Variants in WDR91 observed in about 807,000 individuals in gnomAD.
The protein encoded by WDR91 is WD repeat domain 91.
A neutral mutation model predicts 88.4 loss-of-function variants in WDR91; 52 were observed. That is an observed-to-expected ratio of 0.59 (90% confidence interval 0.47 to 0.74). WDR91 has a LOEUF of 0.74. Among genes scored for constraint, WDR91 ranks in the 30% least tolerant of loss-of-function variants. The probability of loss-of-function intolerance (pLI) is 0.00; values close to 1 mark genes in which losing one functional copy is unlikely to be tolerated. For missense variants in WDR91, 824 were observed against 954.5 expected, an observed-to-expected ratio of 0.86 and a Z score of 1.80; for synonymous variants, 362 against 389.5, an observed-to-expected ratio of 0.93 and a Z score of 0.83.
chr7:135,198,616 G>A (rs1831462243), intron 6 of WDR91: 1 of 153,640 alleles, frequency 6.5e-6, no homozygotes, highest in South Asian at 2.1e-4. Context: ...TCTTGTTTTG[G>A]GCCAAGTGTG....
At position 135,211,522 on chromosome 7, in the gene WDR91, G is replaced by C. The variant is rs574700005; in HGVS notation, c.-20C>G. ...CGCCATCGCAGCGCTAGCGTCTTTA[G>C]GGGTGGTGCGGTGAGGGACGGAGGG... is the stretch of plus-strand genomic sequence containing the variant. On this transcript the variant is annotated 5_prime_UTR_variant, in exon 1 of 15. Coordinates refer to ENST00000354475, the MANE Select transcript of WDR91 (RefSeq NM_014149.4). The C allele has an allele frequency of 6.2e-7, 1 of 1,609,150 alleles. No homozygotes were observed. The highest frequency in any genetic ancestry group is 1.1e-5 in the South Asian group (1 of 90,644).
chr7:135,186,333 AGAG>A lies in WDR91; in HGVS notation c.2080-21_2080-19del, dbSNP rs773826961. On this transcript the variant is annotated intron_variant, in intron 14 of 14. Coordinates refer to ENST00000354475, the MANE Select transcript of WDR91 (RefSeq NM_014149.4). ...CCACCCAGCTGCAAGAGGACAGGAAAGAGGAGGAGGTGTCAGCAAACACCAGTT... is the reference window on the plus strand; with the variant it reads ...CCACCCAGCTGCAAGAGGACAGGAAAGAGGAGGTGTCAGCAAACACCAGTT... The A allele has an allele frequency of 1.8e-5, 29 of 1,608,484 alleles. No individual in the cohort carries two copies. The highest frequency in any genetic ancestry group is 1.7e-4 in the Middle Eastern group (1 of 6,056).
In WDR91 at chr7:135,186,188, T is replaced by C. The variant is rs181109242; in HGVS notation, c.2207A>G (p.Lys736Arg). 34 of 1,607,510 alleles carry C rather than the reference T, an allele frequency of 2.1e-5. No individual in the cohort carries two copies. In the African/African-American group the frequency reaches 4.2e-4, roughly 20 times the overall value. Reference protein sequence around the residue: ...GTCLTASMDGKIKLTTLLAHK... With the variant: ...GTCLTASMDGRIKLTTLLAHK... ...GGCCAGGAGGGTGGTCAGCTTGATC[T>C]TGCCATCCATGGAGGCGGTGAGGCA... Residue 736 changes from lysine (K) to arginine (R), a missense_variant, in exon 15 of 15, where the codon AAG becomes AGG. By Grantham distance (26) the Lys-to-Arg change is conservative. Coordinates refer to ENST00000354475, the MANE Select transcript of WDR91 (RefSeq NM_014149.4).
intron 1 of WDR91, chr7:135,209,965 G>A (rs1277648073): frequency 7.3e-6 from 3 of 412,694 alleles, no homozygotes; most frequent in South Asian, 4.8e-5. Context: ...TAGCAAGCAC[G>A]GAAATTTCAG....
chr7:135,196,400 C>G lies in WDR91; in HGVS notation c.1051-63G>C, dbSNP rs571607471. 7.0e-7 allele frequency: 1 copy of G among 1,421,660 alleles called. No individual in the cohort carries two copies. Among genetic ancestry groups the G allele is most frequent in the Non-Finnish European group, 9.3e-7 (1 of 1,076,488 alleles). The allele number at this position is 1,421,660 out of a possible 1,614,324, so 88.1% of individuals were successfully genotyped here. On this transcript the variant is annotated intron_variant, in intron 7 of 14. Transcript: ENST00000354475. This position sits in a 1 kb window ranked among gnomAD's most constrained non-coding sequence, Gnocchi z 4.2. ...GGGTCCCCCACACCAGGGTGTACACCGCAGGGGGTCTAGGCCTAGGCTGCA... is the reference window on the plus strand; with the variant it reads ...GGGTCCCCCACACCAGGGTGTACACGGCAGGGGGTCTAGGCCTAGGCTGCA...
Position 135,198,485 on chromosome 7 carries a change from C to A in WDR91, c.892-334G>T, listed in dbSNP as rs543504297. The A allele has an allele frequency of 1.2e-3, 301 of 255,130 alleles. 4 individuals are homozygous for A. Among genetic ancestry groups the A allele is most frequent in the Middle Eastern group, 1.2e-3 (1 of 842 alleles). The allele number at this position is 255,130 out of a possible 1,614,324, so 15.8% of individuals were successfully genotyped here. A position where few individuals can be genotyped will look rare whatever the true frequency, so the allele number is the denominator to read the frequency against. On this transcript the variant is annotated intron_variant, in intron 6 of 14. Coordinates refer to ENST00000354475, the MANE Select transcript of WDR91 (RefSeq NM_014149.4). ...TTACTAAGTGATGACTAAGGCAGGC[C>A]GGGGCCTACGCTTGGTGTTATACAC...
chr7:135,193,226 C>T lies in WDR91; in HGVS notation c.1659+5G>A, dbSNP rs751684312. ...CCCAGAGAGAGCCACAGGGCAGGCC[C>T]GTACCTGCTGCTTCATGGTTTTCGT... is the stretch of plus-strand genomic sequence containing the variant. On this transcript the variant is annotated splice_donor_5th_base_variant and intron_variant, in intron 11 of 14. Coordinates refer to ENST00000354475, the MANE Select transcript of WDR91 (RefSeq NM_014149.4). The T allele has an allele frequency of 1.6e-5, 26 of 1,613,198 alleles. No individual in the cohort carries two copies. Among genetic ancestry groups the T allele is most frequent in the South Asian group, 3.3e-5 (3 of 91,044 alleles).
chr7:135,203,105 C>A (rs142510), intron 6 of WDR91, among the ~76,000 whole-genome samples: 11 of 152,012 alleles, frequency 7.2e-5, no homozygotes, highest in Admixed American at 3.3e-4. Context: ...GTGGGTTTAC[C>A]CAACCTGAGC....
chr7:135,193,722 G>A (rs1468964617), intron 9 of WDR91, 50 bp from the exon 10 acceptor site: 2 of 1,533,920 alleles, frequency 1.3e-6, no homozygotes, highest in East Asian at 4.6e-5. Context: ...GAGTGAGGCT[G>A]AGTCAGGGAG....
rs1562958120 is a variant in WDR91 at position 135,207,281 on chromosome 7, C to T, written c.512-79G>A. ...AAACCCTTGACACACCAGTAAAACA[C>T]ATGAGACACAGGGACACAGAGAACA... On this transcript the variant is annotated intron_variant, in intron 3 of 14. Transcript: ENST00000354475. 4.1e-6 allele frequency: 5 copies of T among 1,208,876 alleles called. No homozygotes were observed. In the Admixed American group the frequency reaches 5.3e-5, roughly 13 times the overall value. The allele number at this position is 1,208,876 out of a possible 1,614,324, so 74.9% of individuals were successfully genotyped here.
chr7:135,201,255 C>T (rs1466342241), intron 6 of WDR91, among the ~76,000 whole-genome samples: 1 of 151,474 alleles, frequency 6.6e-6, no homozygotes, highest in African/African-American at 2.4e-5. Flanking sequence ...GTGAGCCAAG[C>T]AGCAGCCCAG....
chr7:135,208,280 G>C (rs954843198), intron 3 of WDR91, among the ~76,000 whole-genome samples: 3 of 152,066 alleles, frequency 2.0e-5, no homozygotes, highest in Non-Finnish European at 2.9e-5. Context: ...TCCAATACCC[G>C]CATATATATT....
rs1200425591 is a variant in WDR91, at chr7:135,196,274, C to T, written c.1114G>A (p.Glu372Lys). Residue 372 changes from glutamate (E) to lysine (K), a missense_variant, in exon 8 of 15, where the codon GAG (glutamate) becomes AAG (lysine). Coordinates refer to ENST00000354475, the MANE Select transcript of WDR91 (RefSeq NM_014149.4). This position sits in a 1 kb window ranked among gnomAD's most constrained non-coding sequence, Gnocchi z 4.2. ...GCCCGAGTCAGTGGCTCCACTGGCTCCGTGTGGAGCTCTGGGCAGGGCTCA... is the reference window on the plus strand; with the variant it reads ...GCCCGAGTCAGTGGCTCCACTGGCTTCGTGTGGAGCTCTGGGCAGGGCTCA... ...EAEPCPELHT[E>K]PVEPLTRASS... The T allele has an allele frequency of 1.2e-6, 2 of 1,611,158 alleles. No homozygotes were observed. The highest frequency in any genetic ancestry group is 1.7e-6 in the Non-Finnish European group (2 of 1,178,496).
intron 11 of WDR91, 69 bp from the exon 12 acceptor site, chr7:135,189,521 G>A: frequency 3.1e-6 from 4 of 1,287,236 alleles, no homozygotes; most frequent in Non-Finnish European, 4.4e-6. Context: ...TTATTCCAAT[G>A]CAGACAGGTG....
intron 1 of WDR91, among the ~76,000 whole-genome samples, chr7:135,210,265 G>A (rs1831964645): frequency 6.6e-6 from 1 of 152,162 alleles, no homozygotes; most frequent in African/African-American, 2.4e-5. Flanking sequence ...CAGGAGAATC[G>A]CTTGAACCCA....
chr7:135,191,417 A>G (rs1212175138), intron 11 of WDR91, among the ~76,000 whole-genome samples: 1 of 152,082 alleles, frequency 6.6e-6, no homozygotes, highest in African/African-American at 2.4e-5. Flanking sequence ...AGACCTGGCC[A>G]ACATGGTGAA....
rs751421821 is a variant in WDR91 at position 135,184,652 on chromosome 7, CTCAGCTCAGCTACAGA to C, written c.*1483_*1498del. ...AGGGTGTGGACACAGCTGGTTGACA[CTCAGCTCAGCTACAGA>C]TCGGCTCAGCCACAGTTGGGCCGGC... is the stretch of plus-strand genomic sequence containing the variant. On this transcript the variant is annotated 3_prime_UTR_variant, in exon 15 of 15. Transcript: ENST00000354475. 183 of 152,476 alleles carry C rather than the reference CTCAGCTCAGCTACAGA, an allele frequency of 1.2e-3. No individual in the cohort carries two copies. Among genetic ancestry groups the C allele is most frequent in the Non-Finnish European group, 2.2e-3 (153 of 68,138 alleles). 9.4% of individuals were successfully genotyped at this position (152,476 alleles called of 1,614,324 possible). A position where few individuals can be genotyped will look rare whatever the true frequency, so the allele number is the denominator to read the frequency against.
rs555811621 is a variant in WDR91 at position 135,197,919 on chromosome 7, G to A, written c.1050+74C>T. 3.9e-6 allele frequency: 6 copies of A among 1,534,296 alleles called. No individual in the cohort carries two copies. The African/African-American group carries it at 5.5e-5, about 14-fold the overall frequency. On this transcript the variant is annotated intron_variant, in intron 7 of 14. Coordinates refer to ENST00000354475, the MANE Select transcript of WDR91 (RefSeq NM_014149.4). ...ACAGCTGCAGAACTCAGAAGAGAGA[G>A]AAGAGAAGACCCCCCACAGTGTTCC...
In WDR91 at chr7:135,207,162, C is replaced by T. The variant is rs904055305; in HGVS notation, c.552G>A (p.Arg184=). The change falls in exon 4 of 15, where the codon AGG becomes AGA. Residue 184 remains arginine (R), a synonymous_variant. Transcript: ENST00000354475. ...VILNFDAECQ[R]TNQVQEENEV... ...CATTTTCTTCTTGAACCTGGTTAGT[C>T]CTCTGACACTCCGCATCAAAGTTCA... The T allele has an allele frequency of 1.5e-5, 24 of 1,608,460 alleles. No homozygotes were observed. Among genetic ancestry groups the T allele is most frequent in the Non-Finnish European group, 2.0e-5 (23 of 1,176,190 alleles).
Sources: allele counts gnomAD v4.1 joint callset (sites outside exome capture counted in the v4.1 genomes callset), GRCh38; gene constraint gnomAD v4.1.1; non-coding constraint Gnocchi (gnomAD v3.1); transcripts MANE v1.5; gene names NCBI Gene and HGNC (gene_info 2026-07-23, HGNC 2026-07-21).